The following WDFY2 variants were observed in gnomAD, a reference collection of about 807,000 sequenced individuals.
The protein encoded by WDFY2 is WD repeat and FYVE domain containing 2, also known as WD repeat and FYVE domain-containing protein 2.
A neutral mutation model predicts 56.4 loss-of-function variants in WDFY2; 36 were observed. The ratio of observed to expected loss-of-function variants is 0.64; its 90% CI spans 0.49 to 0.84. The LOEUF is 0.84. Ranked by LOEUF, WDFY2 falls within the 40% of genes least tolerant of loss-of-function variation. The pLI, the probability that WDFY2 is intolerant of heterozygous loss-of-function variation, is 0.00. For missense variants in WDFY2, 444 were observed against 512.2 expected (o/e 0.87, Z 1.29); for synonymous variants, 176 against 183.7 (o/e 0.96, Z 0.34).
rs147893404 is a variant in WDFY2, at chr13:51,634,510, A to G, written c.138-26086A>G. Among the ~76,000 whole-genome samples the G allele has an allele frequency of 5.0e-3, 756 of 152,292 alleles. 4 individuals are homozygous for G. The highest frequency in any genetic ancestry group is 0.014 in the African/African-American group (594 of 41,554). ...TTGTAAATTTATAATACTTGTTAGC[A>G]CTAAGATTGGAAAAGGCAGCCAGGT... On this transcript the variant is annotated intron_variant, in intron 1 of 11. Transcript: ENST00000298125.
At chr13:51,594,268 C>A (rs1954104156) in intron 1 of WDFY2, 1 of 152,050 alleles carries the variant, frequency 6.6e-6, no homozygotes, top group Non-Finnish European at 1.5e-5. Flanking sequence ...GAAAGTAACG[C>A]TTTTCCTAGG....
intron 7 of WDFY2, among the ~76,000 whole-genome samples, chr13:51,750,537 C>CAA (rs61355886): frequency 0.15 from 20,759 of 139,158 alleles, 1,812 homozygotes; most frequent in South Asian, 0.24. Flanking sequence ...GACGAACATA[C>CAA]AAAAAAAAAA....
chr13:51,635,662 G>A (rs1955034107), intron 1 of WDFY2, among the ~76,000 whole-genome samples: 1 of 152,126 alleles, frequency 6.6e-6, no homozygotes, highest in Non-Finnish European at 1.5e-5. Flanking sequence ...CTTCCCCATG[G>A]CTTGGGAACT....
At chr13:51,675,347 T>C in intron 3 of WDFY2, 104 bp downstream of exon 3, 1 of 1,096,670 alleles carries the variant, frequency 9.1e-7, no homozygotes. Flanking sequence ...ATTTTCTTGC[T>C]AAGTAGAATG....
chr13:51,756,719 T>C, intron 10 of WDFY2: 1 of 872,780 alleles, frequency 1.1e-6, no homozygotes, highest in South Asian at 5.3e-5. Flanking sequence ...TTAAATTAGC[T>C]GCTCCCAGAA....
At chr13:51,717,437 G>T (rs942453043) in intron 4 of WDFY2, among the ~76,000 whole-genome samples, 2 of 151,924 alleles carry the variant, frequency 1.3e-5, no homozygotes, top group Non-Finnish European at 2.9e-5. Context: ...AACATTTCTA[G>T]CCTCTGCCTC....
intron 1 of WDFY2, among the ~76,000 whole-genome samples, chr13:51,601,438 T>C (rs1407528977): frequency 1.3e-5 from 2 of 151,034 alleles, no homozygotes; most frequent in African/African-American, 4.9e-5. Context: ...TTTTTAGACA[T>C]AGTTTTGCTT....
intron 3 of WDFY2, 100 bp from the exon 4 acceptor site, chr13:51,703,496 A>AATCGTC: frequency 2.4e-6 from 2 of 848,812 alleles, no homozygotes; most frequent in Non-Finnish European, 3.6e-6. Flanking sequence ...TGTTGGATGT[A>AATCGTC]ATCGTCATGA....
In WDFY2 at chr13:51,609,524, T is replaced by C. The variant is rs1954449402; in HGVS notation, c.137+24700T>C. 2.0e-5 allele frequency among the ~76,000 whole-genome samples: 3 copies of C among 150,976 alleles called. No homozygotes were observed. In the South Asian group the frequency reaches 6.3e-4, roughly 31 times the overall value. ...GCAACCCTCTCTGCAAGACTGTAGCTCCTGGGACAGGATGCCTCCTGTATT... is the reference window on the plus strand; with the variant it reads ...GCAACCCTCTCTGCAAGACTGTAGCCCCTGGGACAGGATGCCTCCTGTATT... On this transcript the variant is annotated intron_variant, in intron 1 of 11. Transcript: ENST00000298125.
chr13:51,587,746 ACTT>A (rs1429658402), intron 1 of WDFY2: 1 of 152,218 alleles, frequency 6.6e-6, no homozygotes, highest in African/African-American at 2.4e-5. Context: ...CAAAACTACT[ACTT>A]CCAAGATTTA....
intron 3 of WDFY2, among the ~76,000 whole-genome samples, chr13:51,686,973 A>G (rs1371836668): frequency 6.6e-6 from 1 of 151,538 alleles, no homozygotes; most frequent in Admixed American, 6.6e-5. Context: ...CAAGCCTACT[A>G]TTGATGAGCA....
intron 1 of WDFY2, among the ~76,000 whole-genome samples, chr13:51,615,952 TAAA>T (rs1387522874): frequency 6.6e-6 from 1 of 152,162 alleles, no homozygotes. Context: ...TATTCGAAAA[TAAA>T]AGAACAGGCC....
chr13:51,714,092 A>C (rs1952289534), intron 4 of WDFY2, among the ~76,000 whole-genome samples: 1 of 151,998 alleles, frequency 6.6e-6, no homozygotes, highest in African/African-American at 2.4e-5. Context: ...TGTATACTTC[A>C]GTTGTAAATT....
intron 1 of WDFY2, among the ~76,000 whole-genome samples, chr13:51,602,755 A>T (rs1954310647): frequency 6.6e-6 from 1 of 152,206 alleles, no homozygotes; most frequent in Non-Finnish European, 1.5e-5. Context: ...ACACATTTGG[A>T]TATTGGAGAG....
intron 5 of WDFY2, among the ~76,000 whole-genome samples, chr13:51,725,702 T>C (rs1379801712): frequency 6.6e-6 from 1 of 151,838 alleles, no homozygotes; most frequent in Admixed American, 6.6e-5. Flanking sequence ...ACAATTTTTT[T>C]TTTTTTTTTA....
chr13:51,621,262 T>A (rs970389282), intron 1 of WDFY2, among the ~76,000 whole-genome samples: 1 of 152,186 alleles, frequency 6.6e-6, no homozygotes, highest in Non-Finnish European at 1.5e-5. Flanking sequence ...CCCAGCACTT[T>A]GGGAGGCCGA....
intron 6 of WDFY2, among the ~76,000 whole-genome samples, chr13:51,733,919 G>A (rs1434729884): frequency 6.6e-6 from 1 of 152,222 alleles, no homozygotes; most frequent in African/African-American, 2.4e-5. Flanking sequence ...ACAGCTGGGT[G>A]AAGAGTTATG....
intron 1 of WDFY2, among the ~76,000 whole-genome samples, chr13:51,601,367 G>A (rs1054166486): frequency 3.3e-5 from 5 of 151,442 alleles, no homozygotes; most frequent in Non-Finnish European, 7.4e-5. Flanking sequence ...ATCTGTTTAT[G>A]TGCCTTTTCT....
chr13:51,727,895 A>G lies in WDFY2; in HGVS notation c.598+105A>G, dbSNP rs561496477. ...TTTTGAAAGTGGCAAAGTACAATCC[A>G]TGCTTGTGCAAAGATACACATGATA... On this transcript the variant is annotated intron_variant, in intron 6 of 11. Coordinates refer to ENST00000298125, the MANE Select transcript of WDFY2 (RefSeq NM_052950.4). 4.9e-6 allele frequency: 5 copies of G among 1,025,516 alleles called. No homozygotes were observed. The East Asian group carries it at 1.0e-4, about 21-fold the overall frequency. The allele number at this position is 1,025,516 out of a possible 1,614,324, so 63.5% of individuals were successfully genotyped here. A position where few individuals can be genotyped will look rare whatever the true frequency, so the allele number is the denominator to read the frequency against.
Sources: allele counts gnomAD v4.1 joint callset (sites outside exome capture counted in the v4.1 genomes callset), GRCh38; gene constraint gnomAD v4.1.1; transcripts MANE v1.5; gene names NCBI Gene and HGNC (gene_info 2026-07-23, HGNC 2026-07-21).